The following ABCB4 variants were observed in gnomAD, a reference collection of about 807,000 sequenced individuals.
ABCB4 encodes the protein ATP binding cassette subfamily B member 4.
Under a neutral mutation model 145.7 loss-of-function variants are expected in ABCB4, and 76 were observed. The observed-to-expected ratio is 0.52, with a 90% CI of 0.43 to 0.63. The LOEUF is 0.63. Ranked by LOEUF, ABCB4 falls within the 30% of genes least tolerant of loss-of-function variation. The probability of loss-of-function intolerance (pLI) is 0.00; values close to 1 mark genes in which losing one functional copy is unlikely to be tolerated. For synonymous variants in ABCB4, 517 were observed against 566.8 expected (o/e 0.91, Z 1.25); for missense variants, 1,234 against 1,553.1 (o/e 0.79, Z 3.45).
chr7:87,438,278 G>A (rs1584738126), intron 14 of ABCB4, among the ~76,000 whole-genome samples: 1 of 152,020 alleles, frequency 6.6e-6, no homozygotes, highest in African/African-American at 2.4e-5. Context: ...ATTACTTTAT[G>A]ATGTACTGCT....
intron 15 of ABCB4, among the ~76,000 whole-genome samples, chr7:87,430,746 C>T (rs1048819147): frequency 1.3e-5 from 2 of 152,120 alleles, no homozygotes; most frequent in African/African-American, 2.4e-5. Context: ...AGGCTCGTCT[C>T]GAACTCCTGA....
chr7:87,401,996 T>TACCTATGTCTGTGTTTTATGATGACATAA lies in ABCB4; in HGVS notation c.*99_*100insTTATGTCATCATAAAACACAGACATAGGT. The TACCTATGTCTGTGTTTTATGATGACATAA allele has an allele frequency of 6.8e-7, 1 of 1,469,888 alleles. No individual in the cohort carries two copies. Among genetic ancestry groups the TACCTATGTCTGTGTTTTATGATGACATAA allele is most frequent in the Non-Finnish European group, 9.3e-7 (1 of 1,069,844 alleles). The allele number at this position is 1,469,888 out of a possible 1,614,324, so 91.1% of individuals were successfully genotyped here. The stretch of plus-strand genomic sequence containing the variant: ...AAATTGATCTAGAATGAGACAGACA[T>TACCTATGTCTGTGTTTTATGATGACATAA]ACCTATGTTTTATGATGACAAACCA... On this transcript the variant is annotated 3_prime_UTR_variant, in exon 28 of 28. Coordinates refer to ENST00000649586, the MANE Select transcript of ABCB4 (RefSeq NM_000443.4).
At chr7:87,455,793 G>A (rs1812062431) in intron 4 of ABCB4, among the ~76,000 whole-genome samples, 1 of 143,230 alleles carries the variant, frequency 7.0e-6, no homozygotes, top group Admixed American at 6.7e-5. Context: ...TGTGTAAATA[G>A]CCCAGGGGTC....
Position 87,443,331 on chromosome 7 carries a change from A to G in ABCB4, c.1344T>C (p.Pro448=). 3 of 1,614,078 alleles carry G rather than the reference A, an allele frequency of 1.9e-6. No individual in the cohort carries two copies. The highest frequency in any genetic ancestry group is 2.5e-6 in the Non-Finnish European group (3 of 1,179,972). ...TCTTCCCACTTACTGTGCCCTCATC[A>G]GGGTCATAGAGCCTCTGTATCAGCT... ...TVQLIQRLYD[P]DEGTINIDGQ... is the part of the protein sequence containing the mutation. Residue 448 remains proline, a synonymous_variant, in exon 12 of 28, where the codon CCT becomes CCC. Coordinates refer to ENST00000649586, the MANE Select transcript of ABCB4 (RefSeq NM_000443.4).
the ABCB4 span, among the ~76,000 whole-genome samples, chr7:87,373,117 T>C: frequency 6.6e-6 from 1 of 152,106 alleles, no homozygotes; most frequent in Non-Finnish European, 1.5e-5. Context: ...CCAACACTTA[T>C]TGTCTGCCTT....
At chr7:87,440,111 CATT>C (rs1788577596) in intron 13 of ABCB4, 85 bp downstream of exon 13, 1 of 1,432,336 alleles carries the variant, frequency 7.0e-7, no homozygotes, top group Non-Finnish European at 9.7e-7. Context: ...GCATCTCAAA[CATT>C]ATTAGCTAAA....
intron 4 of ABCB4, among the ~76,000 whole-genome samples, chr7:87,457,206 G>T (rs1410433861): frequency 6.6e-6 from 1 of 152,094 alleles, no homozygotes; most frequent in Non-Finnish European, 1.5e-5. Flanking sequence ...ATCACTTGAG[G>T]CCAGGAGTTT....
the ABCB4 span, among the ~76,000 whole-genome samples, chr7:87,389,321 C>T: frequency 6.6e-6 from 1 of 152,102 alleles, no homozygotes; most frequent in African/African-American, 2.4e-5. Flanking sequence ...GATACATGCA[C>T]ACATATGTAT....
chr7:87,395,359 C>T, the ABCB4 span, among the ~76,000 whole-genome samples: 2 of 152,156 alleles, frequency 1.3e-5, no homozygotes, highest in African/African-American at 4.8e-5. Context: ...TTTCCCAGCC[C>T]ACTGACTCAA....
chr7:87,394,698 T>A, the ABCB4 span, among the ~76,000 whole-genome samples: 1 of 152,008 alleles, frequency 6.6e-6, no homozygotes, highest in Admixed American at 6.6e-5. Flanking sequence ...GCAAAAAAAA[T>A]GCCTTTCTTG....
intron 3 of ABCB4, among the ~76,000 whole-genome samples, chr7:87,471,636 C>G (rs1256055355): frequency 6.6e-6 from 1 of 152,188 alleles, no homozygotes; most frequent in African/African-American, 2.4e-5. Flanking sequence ...TGACATGACA[C>G]TTAATTCTAA....
the ABCB4 span, among the ~76,000 whole-genome samples, chr7:87,385,396 AT>A: frequency 6.6e-6 from 1 of 150,998 alleles, no homozygotes; most frequent in East Asian, 2.0e-4. Flanking sequence ...CCTTGTATTG[AT>A]TTTTTTACTT....
Position 87,423,892 on chromosome 7 carries a change from G to A in ABCB4, c.2211+14C>T, listed in dbSNP as rs747584350. The A allele has an allele frequency of 6.2e-7, 1 of 1,613,960 alleles. No individual in the cohort carries two copies. The highest frequency in any genetic ancestry group is 1.1e-5 in the South Asian group (1 of 91,074). ...GATCTAATTCAGGCTGTTATGTGGT[G>A]TTTGCAAACTTACCGCTATGATCTC... is the stretch of plus-strand genomic sequence containing the variant. On this transcript the variant is annotated intron_variant, in intron 17 of 27. Coordinates refer to ENST00000649586, the MANE Select transcript of ABCB4 (RefSeq NM_000443.4).
At chr7:87,385,788 T>C in the ABCB4 span, among the ~76,000 whole-genome samples, 1 of 152,232 alleles carries the variant, frequency 6.6e-6, no homozygotes. Context: ...AATTTTTCCA[T>C]GTTCAGTATG....
rs1441119577 is a variant in ABCB4, at chr7:87,413,672, T to C, written c.2728A>G (p.Thr910Ala). ...ATTGATTCAAATTTTCTTTCCTGGGTCAAAGACACAACTGTCCTAATATTT... is the reference window on the plus strand; with the variant it reads ...ATTGATTCAAATTTTCTTTCCTGGGCCAAAGACACAACTGTCCTAATATTT... ...IENIRTVVSLTQERKFESMYV... is the reference protein window; with the variant it reads ...IENIRTVVSLAQERKFESMYV... Residue 910 changes from threonine (T) to alanine (A), a missense_variant, in exon 22 of 28, where the codon ACC (threonine) becomes GCC (alanine). This residue lies in a region of ABCB4 where 301 missense variants were observed against 389.0 expected (regional missense o/e 0.77). Transcript: ENST00000649586. 1 of 1,612,836 alleles carries C rather than the reference T, an allele frequency of 6.2e-7. No homozygotes were observed. Among genetic ancestry groups the C allele is most frequent in the East Asian group, 2.2e-5 (1 of 44,860 alleles).
At chr7:87,416,883 C>T (rs1809011262) in intron 21 of ABCB4, among the ~76,000 whole-genome samples, 1 of 152,248 alleles carries the variant, frequency 6.6e-6, no homozygotes, top group African/African-American at 2.4e-5. Context: ...TTACTGCCAT[C>T]TGGTGGCTGC....
chr7:87,454,563 C>G lies in ABCB4; in HGVS notation c.316G>C (p.Gly106Arg). The change falls in exon 5 of 28, where the codon GGC (glycine) becomes CGC (arginine). Residue 106 changes from glycine (G) to arginine (R), a missense_variant. Around this residue, in one of 7 missense-constraint regions of ABCB4, gnomAD observed 467 missense variants for 632.8 expected, o/e 0.74. Transcript: ENST00000649586. ...GTCATTTCTTCTTCCAGAATTTTGC[C>G]TGGATTTAGCAGCGACAAGGAAAAG... is the stretch of plus-strand genomic sequence containing the variant. ...VNFSLSLLNP[G>R]KILEEEMTRY... 6.2e-7 allele frequency: 1 copy of G among 1,611,168 alleles called. No individual in the cohort carries two copies. Among genetic ancestry groups the G allele is most frequent in the South Asian group, 1.1e-5 (1 of 90,400 alleles).
intron 25 of ABCB4, among the ~76,000 whole-genome samples, chr7:87,407,134 A>G (rs924404272): frequency 4.6e-5 from 7 of 152,200 alleles, no homozygotes; most frequent in Non-Finnish European, 1.5e-5. Context: ...TGGTGCTCCT[A>G]GGGAAGTGTT....
intron 3 of ABCB4, among the ~76,000 whole-genome samples, chr7:87,469,583 CAGAG>C (rs1281651988): frequency 6.6e-6 from 1 of 152,156 alleles, no homozygotes; most frequent in Non-Finnish European, 1.5e-5. Flanking sequence ...CAATAACAGA[CAGAG>C]AGCCAAATCA....
Sources: gnomAD v4.1 joint callset for allele counts (sites outside exome capture counted in the v4.1 genomes callset) on GRCh38, gnomAD v4.1.1 for gene constraint, gnomAD v4.1.1 regional missense constraint, MANE v1.5 for transcripts, NCBI Gene and HGNC (gene_info 2026-07-23, HGNC 2026-07-21) for gene names.